The following TATDN1 variants were observed in gnomAD, a reference collection of about 807,000 sequenced individuals.
TATDN1 encodes the protein TatD DNase domain containing 1.
A neutral mutation model predicts 46.4 loss-of-function variants in TATDN1; 40 were observed. The ratio of observed to expected loss-of-function variants is 0.86; its 90% CI spans 0.67 to 1.12. TATDN1 has a LOEUF of 1.12. TATDN1 is among the 50% of genes most tolerant of loss of function. The probability of loss-of-function intolerance (pLI) is 0.00; values close to 1 mark genes in which losing one functional copy is unlikely to be tolerated. For synonymous variants in TATDN1, 95 were observed against 105.6 expected (o/e 0.90, Z 0.62); for missense variants, 326 against 348.4 (o/e 0.94, Z 0.51).
chr8:124,521,030 C>T (rs996092896), intron 3 of TATDN1, among the ~76,000 whole-genome samples: 5 of 151,706 alleles, frequency 3.3e-5, no homozygotes, highest in African/African-American at 1.2e-4. Context: ...TTGTTTATGC[C>T]AGGTATAATA....
chr8:124,493,887 T>C lies in TATDN1; in HGVS notation c.737A>G (p.Lys246Arg). The change falls in exon 11 of 12, where the codon AAG becomes AGG. Residue 246 changes from lysine to arginine, a missense_variant. By Grantham distance (26) the Lys-to-Arg change is conservative (BLOSUM62 2). Transcript: ENST00000276692. The part of the protein sequence containing the change: ...KYIRTAFPTK[K>R]KWESGHCLKD... Reference sequence around the variant, plus strand: ...TAAGCAGTGCCCACTTTCCCACTTCTTTTTGGTAGGAAATGCAGTTCTTAT... The same window carrying C: ...TAAGCAGTGCCCACTTTCCCACTTCCTTTTGGTAGGAAATGCAGTTCTTAT... 6.2e-7 allele frequency: 1 copy of C among 1,612,230 alleles called. No homozygotes were observed. Among genetic ancestry groups the C allele is most frequent in the South Asian group, 1.1e-5 (1 of 90,928 alleles).
chr8:124,508,728 T>C, intron 6 of TATDN1, 40 bp from the exon 7 acceptor site: 2 of 1,299,596 alleles, frequency 1.5e-6, no homozygotes, highest in Non-Finnish European at 2.1e-6. Context: ...TTACAAATTG[T>C]ATTTTAGCAT....
chr8:124,527,106 C>G (rs1362146575), intron 1 of TATDN1, among the ~76,000 whole-genome samples: 1 of 152,146 alleles, frequency 6.6e-6, no homozygotes, highest in African/African-American at 2.4e-5. Context: ...GCAACCATTT[C>G]AAAGGAAGAA....
chr8:124,518,717 C>T, intron 4 of TATDN1, 101 bp downstream of exon 4: 1 of 806,116 alleles, frequency 1.2e-6, no homozygotes, highest in South Asian at 1.5e-5. Flanking sequence ...CCTATTGTTT[C>T]CAGTCATGAT....
chr8:124,507,499 G>A (rs933294928), intron 8 of TATDN1, among the ~76,000 whole-genome samples: 21 of 152,110 alleles, frequency 1.4e-4, no homozygotes, highest in Admixed American at 3.3e-4. Flanking sequence ...TAGAATTCAA[G>A]GGCCAGGCAC....
intron 3 of TATDN1, among the ~76,000 whole-genome samples, chr8:124,519,960 T>C (rs1819882754): frequency 6.6e-6 from 1 of 152,152 alleles, no homozygotes; most frequent in Non-Finnish European, 1.5e-5. Context: ...AAAGCATACT[T>C]CAAAAGTCTC....
chr8:124,522,734 T>G (rs1226820480), intron 2 of TATDN1, among the ~76,000 whole-genome samples: 1 of 152,124 alleles, frequency 6.6e-6, no homozygotes. Context: ...TTCTTTATTA[T>G]TTCAATTTTA....
At chr8:124,510,078 C>T (rs1478825858) in intron 6 of TATDN1, among the ~76,000 whole-genome samples, 2 of 151,448 alleles carry the variant, frequency 1.3e-5, no homozygotes, top group East Asian at 3.9e-4. Context: ...AATAGTCTTC[C>T]TAAAATAGGT....
chr8:124,497,897 A>C (rs913076353), intron 9 of TATDN1, among the ~76,000 whole-genome samples: 2 of 152,176 alleles, frequency 1.3e-5, no homozygotes, highest in Non-Finnish European at 2.9e-5. Context: ...AAAAATATGT[A>C]TCTTTCTGTC....
chr8:124,498,698 T>C (rs1817687646), intron 9 of TATDN1, among the ~76,000 whole-genome samples: 1 of 152,170 alleles, frequency 6.6e-6, no homozygotes. Context: ...TCACCTGGGC[T>C]GGAGTGCAAT....
At chr8:124,526,347 TTTAAA>T (rs1187191173) in intron 1 of TATDN1, among the ~76,000 whole-genome samples, 1 of 152,228 alleles carries the variant, frequency 6.6e-6, no homozygotes, top group Non-Finnish European at 1.5e-5. Flanking sequence ...AATAGTATCT[TTTAAA>T]TTAAAAGTCT....
In TATDN1 at chr8:124,495,545, TAA is replaced by T; in HGVS notation, c.594-5_594-4del. 1 of 1,587,460 alleles carries T rather than the reference TAA, an allele frequency of 6.3e-7. No individual in the cohort carries two copies. ...AATTAGCTTCAGTTTTCAGTGAGCT[TAA>T]AAAAAAGTGTATATTTATTTTAAAA... On this transcript the variant is annotated splice_polypyrimidine_tract_variant and splice_region_variant and intron_variant, in intron 9 of 11. Transcript: ENST00000276692.
chr8:124,496,013 A>G (rs1817439808), intron 9 of TATDN1, among the ~76,000 whole-genome samples: 1 of 152,240 alleles, frequency 6.6e-6, no homozygotes, highest in South Asian at 2.1e-4. Flanking sequence ...GTTGGCCTCA[A>G]GACTTGCTAT....
chr8:124,488,678 CATT>C lies in TATDN1; in HGVS notation c.807_809del (p.Ile269del), dbSNP rs1415320813. The C allele has an allele frequency of 2.5e-6, 4 of 1,602,168 alleles. No individual in the cohort carries two copies. Among genetic ancestry groups the C allele is most frequent in the South Asian group, 1.1e-5 (1 of 90,504 alleles). ...GTGGATCCTCATCTCTCACTGCTGA[CATT>C]ATCTCCAATATTTGACTAAAACAAA... is the stretch of plus-strand genomic sequence containing the variant. On this transcript the variant is annotated inframe_deletion, in exon 12 of 12. Transcript: ENST00000276692.
intron 1 of TATDN1, among the ~76,000 whole-genome samples, chr8:124,530,511 C>G (rs1820864684): frequency 6.6e-6 from 1 of 152,134 alleles, no homozygotes; most frequent in African/African-American, 2.4e-5. Flanking sequence ...ATGGAGGGAA[C>G]AGCCATTTAA....
intron 1 of TATDN1, chr8:124,538,359 C>T (rs1017098512): frequency 6.5e-6 from 1 of 153,258 alleles, no homozygotes; most frequent in Non-Finnish European, 1.5e-5. Context: ...TGATCACTGT[C>T]ATTTCCCACC....
At chr8:124,508,174 G>C (rs1359473906) in intron 8 of TATDN1, among the ~76,000 whole-genome samples, 1 of 152,152 alleles carries the variant, frequency 6.6e-6, no homozygotes, top group Non-Finnish European at 1.5e-5. Context: ...GATTTTTTCA[G>C]ATTTTGGAAT....
chr8:124,514,310 T>TA (rs895438462), intron 6 of TATDN1, among the ~76,000 whole-genome samples: 22 of 152,250 alleles, frequency 1.4e-4, no homozygotes, highest in Middle Eastern at 3.4e-3. Flanking sequence ...ATGCGTAATT[T>TA]AAAAAAATCC....
At chr8:124,516,937 T>C (rs539038941) in intron 4 of TATDN1, among the ~76,000 whole-genome samples, 16 of 152,228 alleles carry the variant, frequency 1.1e-4, no homozygotes, top group Non-Finnish European at 1.9e-4. Flanking sequence ...GGCTCTCATG[T>C]AGATGTTTAG....
Sources: allele counts gnomAD v4.1 joint callset (sites outside exome capture counted in the v4.1 genomes callset), GRCh38; gene constraint gnomAD v4.1.1; transcripts MANE v1.5; gene names NCBI Gene and HGNC (gene_info 2026-07-23, HGNC 2026-07-21).